Variants in SCAI observed in about 807,000 individuals in gnomAD.
SCAI encodes the protein suppressor of cancer cell invasion.
Under a neutral mutation model 92.2 loss-of-function variants are expected in SCAI, and 24 were observed. The ratio of observed to expected loss-of-function variants is 0.26; its 90% CI spans 0.19 to 0.37. The LOEUF is 0.37. Ranked by LOEUF, SCAI falls within the 10% of genes least tolerant of loss-of-function variation. The probability of loss-of-function intolerance (pLI) is 1.00; values close to 1 mark genes in which losing one functional copy is unlikely to be tolerated. For missense variants in SCAI, 450 were observed against 736.2 expected (o/e 0.61, Z 4.50); for synonymous variants, 261 against 258.6 (o/e 1.01, Z -0.09).
rs571576803 is a variant in SCAI, at chr9:125,010,107, G to A, written c.862-6537C>T. Among the ~76,000 whole-genome samples, 45 of 152,324 alleles carry A rather than the reference G, an allele frequency of 3.0e-4. No individual in the cohort carries two copies. The South Asian group carries it at 8.1e-3, about 27-fold the overall frequency. ...GCCTACAGCTCCCAGGGTAAGCGAC[G>A]CAGAAGACGGGTGATTTCTGCATTT... On this transcript the variant is annotated intron_variant, in intron 9 of 17. Coordinates refer to ENST00000336505, the MANE Select transcript of SCAI (RefSeq NM_001144877.3).
chr9:124,968,610 A>C lies in SCAI; in HGVS notation c.1674+2760T>G, dbSNP rs955573180. 9.3e-5 allele frequency: 89 copies of C among 953,298 alleles called. 1 individual carries two copies. The Admixed American group carries it at 1.4e-3, about 15-fold the overall frequency. The allele number at this position is 953,298 out of a possible 1,614,324, so 59.1% of individuals were successfully genotyped here. The stretch of plus-strand genomic sequence containing the variant: ...TGCAAGGTCTTCAAAAAACTCTGCT[A>C]AAGAGTCCAGTGATTCCTCCGCTAG... On this transcript the variant is annotated intron_variant, in intron 17 of 17. Coordinates refer to ENST00000336505, the MANE Select transcript of SCAI (RefSeq NM_001144877.3).
At chr9:125,134,657 T>G (rs1835479755) in intron 2 of SCAI, among the ~76,000 whole-genome samples, 1 of 152,180 alleles carries the variant, frequency 6.6e-6, no homozygotes, top group Admixed American at 6.6e-5. Flanking sequence ...CAAAAGCACA[T>G]AGAGACCAAG....
chr9:125,067,789 G>C (rs546117628), intron 2 of SCAI, among the ~76,000 whole-genome samples: 5 of 152,300 alleles, frequency 3.3e-5, no homozygotes, highest in Non-Finnish European at 5.9e-5. Flanking sequence ...TACATCGATA[G>C]AGTCCTTACA....
At chr9:124,991,850 A>G (rs1832133656) in intron 14 of SCAI, among the ~76,000 whole-genome samples, 1 of 152,214 alleles carries the variant, frequency 6.6e-6, no homozygotes, top group Admixed American at 6.5e-5. Context: ...AACAAAAAAC[A>G]AAAACAAAAC....
rs139305391 is a variant in SCAI, at chr9:125,117,403, C to T, written c.98+25230G>A. Among the ~76,000 whole-genome samples, 103 of 152,262 alleles carry T rather than the reference C, an allele frequency of 6.8e-4. 1 individual carries two copies. The East Asian group carries it at 0.017, about 25-fold the overall frequency. ...TAGAAGCCTGAGGAACTTTGGCTCA[C>T]GCCTGTAATTCCAGCACTTTGGGAG... On this transcript the variant is annotated intron_variant, in intron 2 of 17. Coordinates refer to ENST00000336505, the MANE Select transcript of SCAI (RefSeq NM_001144877.3).
At chr9:125,057,088 G>A (rs1363079658) in intron 2 of SCAI, among the ~76,000 whole-genome samples, 2 of 152,114 alleles carry the variant, frequency 1.3e-5, no homozygotes, top group African/African-American at 2.4e-5. Flanking sequence ...AGAAATTCCT[G>A]GAACAACAGG....
intron 9 of SCAI, among the ~76,000 whole-genome samples, chr9:125,014,499 G>T (rs1344429041): frequency 6.6e-6 from 1 of 152,120 alleles, no homozygotes; most frequent in Non-Finnish European, 1.5e-5. Flanking sequence ...TCTTCAAGGA[G>T]AACTACAAAC....
chr9:125,096,812 T>A (rs1834562489), intron 2 of SCAI, among the ~76,000 whole-genome samples: 1 of 152,236 alleles, frequency 6.6e-6, no homozygotes, highest in Admixed American at 6.5e-5. Flanking sequence ...TAATCAAACA[T>A]GTGGTTCTCT....
At chr9:124,990,226 C>T (rs181775580) in intron 14 of SCAI, among the ~76,000 whole-genome samples, 105 of 152,036 alleles carry the variant, frequency 6.9e-4, no homozygotes, top group Middle Eastern at 3.4e-3. Flanking sequence ...CGGTGGTTCA[C>T]GCCTGTAATT....
chr9:124,969,903 G>C (rs1248469565), intron 17 of SCAI, among the ~76,000 whole-genome samples: 1 of 152,040 alleles, frequency 6.6e-6, no homozygotes, highest in Non-Finnish European at 1.5e-5. Context: ...GCACAGGCTG[G>C]AGTGCAGCGG....
At chr9:125,069,412 G>T (rs540435722) in intron 2 of SCAI, among the ~76,000 whole-genome samples, 1 of 150,150 alleles carries the variant, frequency 6.7e-6, no homozygotes, top group African/African-American at 2.4e-5. Context: ...CCGCCTCTGG[G>T]GTTCATGCCA....
chr9:124,973,942 A>G (rs1467680231), intron 15 of SCAI, among the ~76,000 whole-genome samples: 2 of 152,110 alleles, frequency 1.3e-5, no homozygotes, highest in African/African-American at 4.8e-5. Flanking sequence ...TCCCACCCCC[A>G]TCTAGTTCTC....
At chr9:124,956,551 C>A (rs182987401) in intron 17 of SCAI, among the ~76,000 whole-genome samples, 1 of 152,252 alleles carries the variant, frequency 6.6e-6, no homozygotes, top group East Asian at 1.9e-4. Flanking sequence ...TAATGTTATT[C>A]ACTCCATTAA....
In SCAI at chr9:125,055,908, C is replaced by T. The variant is rs41304854; in HGVS notation, c.198G>A (p.Leu66=). Residue 66 remains leucine (L), a synonymous_variant, in exon 3 of 18, where the codon CTG becomes CTA. Coordinates refer to ENST00000336505, the MANE Select transcript of SCAI (RefSeq NM_001144877.3). ...CATTGAACAGTTGCTTAGATTTATC[C>T]AGAAGATAACAAAAATCTGTAACTG... ...RKTVTDFCYL[L]DKSKQLFNGL... 1.4e-5 allele frequency: 23 copies of T among 1,612,994 alleles called. No homozygotes were observed. The highest frequency in any genetic ancestry group is 2.0e-5 in the Non-Finnish European group (23 of 1,179,378).
At chr9:125,137,881 T>C (rs1458488256) in intron 2 of SCAI, among the ~76,000 whole-genome samples, 2 of 152,156 alleles carry the variant, frequency 1.3e-5, no homozygotes, top group Non-Finnish European at 2.9e-5. Context: ...GGATTACAGA[T>C]GTGAGCCACC....
intron 17 of SCAI, among the ~76,000 whole-genome samples, chr9:124,955,167 A>G (rs887386277): frequency 7.5e-6 from 1 of 133,230 alleles, no homozygotes; most frequent in Admixed American, 7.4e-5. Context: ...GACTCCGTCT[A>G]AAAAAAAAAA....
intron 2 of SCAI, among the ~76,000 whole-genome samples, chr9:125,078,620 G>A (rs962247010): frequency 2.0e-5 from 3 of 152,078 alleles, no homozygotes; most frequent in African/African-American, 7.2e-5. Flanking sequence ...AGCATCAACA[G>A]CTTCCCACTG....
chr9:124,959,088 C>T (rs1315091363), intron 17 of SCAI, among the ~76,000 whole-genome samples: 2 of 151,294 alleles, frequency 1.3e-5, no homozygotes, highest in East Asian at 1.9e-4. Flanking sequence ...GAATTTTGTT[C>T]CCCTTCCTGT....
intron 12 of SCAI, 85 bp from the exon 13 acceptor site, chr9:125,000,075 C>T (rs1376466280): frequency 1.7e-6 from 1 of 584,344 alleles, no homozygotes; most frequent in African/African-American, 1.9e-5. Context: ...CTGTGTGAAT[C>T]TCTCATTGAT....
Sources: allele counts gnomAD v4.1 joint callset (sites outside exome capture counted in the v4.1 genomes callset), GRCh38; gene constraint gnomAD v4.1.1; transcripts MANE v1.5; gene names NCBI Gene and HGNC (gene_info 2026-07-23, HGNC 2026-07-21).